ATP8A2: variants seen among roughly 807,000 people sequenced by gnomAD.
ATP8A2 encodes phospholipid-transporting ATPase IB.
A neutral mutation model predicts 165.6 loss-of-function variants in ATP8A2; 100 were observed. The observed-to-expected ratio is 0.60, with a 90% CI of 0.51 to 0.71. The LOEUF (loss-of-function observed/expected upper bound fraction) is 0.71, where lower values mean the gene tolerates loss of function less well. ATP8A2 is among the 30% of genes least tolerant of loss of function. The pLI, the probability that ATP8A2 is intolerant of heterozygous loss-of-function variation, is 0.00. For missense variants in ATP8A2, 1,227 were observed against 1,479.5 expected (o/e 0.83, Z 2.80); for synonymous variants, 543 against 548.8 (o/e 0.99, Z 0.15).
At chr13:25,553,639 G>T (rs552996946) in intron 11 of ATP8A2, among the ~76,000 whole-genome samples, 154 bp from the exon 12 acceptor site, 2 of 152,188 alleles carry the variant, frequency 1.3e-5, no homozygotes, top group East Asian at 3.9e-4. Context: ...CAGTCGCATT[G>T]TGGGGCCTGT....
chr13:25,770,786 C>T (rs531306340), intron 26 of ATP8A2, among the ~76,000 whole-genome samples: 5 of 152,270 alleles, frequency 3.3e-5, no homozygotes, highest in South Asian at 2.1e-4. Flanking sequence ...GCCTGCTCAT[C>T]GGCTGGGTAG....
intron 33 of ATP8A2, among the ~76,000 whole-genome samples, chr13:25,865,950 C>T (rs1952498791): frequency 6.6e-6 from 1 of 151,900 alleles, no homozygotes; most frequent in South Asian, 2.1e-4. Flanking sequence ...TTTTTCTTTT[C>T]CCCAGTAGAA....
At chr13:25,379,461 T>C (rs1413707730) in intron 1 of ATP8A2, among the ~76,000 whole-genome samples, 4 of 152,294 alleles carry the variant, frequency 2.6e-5, no homozygotes, top group Non-Finnish European at 1.5e-5. Context: ...GAGCAGTTCA[T>C]TCATATTCAA....
At chr13:25,634,478 G>A (rs560180092) in intron 24 of ATP8A2, among the ~76,000 whole-genome samples, 27 of 152,102 alleles carry the variant, frequency 1.8e-4, no homozygotes, top group Middle Eastern at 3.4e-3. Flanking sequence ...GTCAAAAATC[G>A]AACCCAAAAC....
chr13:25,834,231 G>A (rs542333356), intron 28 of ATP8A2, among the ~76,000 whole-genome samples: 2 of 152,290 alleles, frequency 1.3e-5, no homozygotes, highest in South Asian at 2.1e-4. Context: ...TAATTTTTAA[G>A]ACTGGAGAAC....
intron 30 of ATP8A2, among the ~76,000 whole-genome samples, chr13:25,850,123 C>A (rs1951968491): frequency 1.3e-5 from 2 of 152,144 alleles, no homozygotes; most frequent in South Asian, 4.1e-4. Flanking sequence ...TTGCAAAAGG[C>A]AAACTGATCT....
intron 24 of ATP8A2, among the ~76,000 whole-genome samples, chr13:25,618,506 A>T (rs745884401): frequency 6.6e-6 from 1 of 152,128 alleles, no homozygotes; most frequent in Non-Finnish European, 1.5e-5. Context: ...GATGTTGGCT[A>T]GCCTTGGGTT....
intron 14 of ATP8A2, 53 bp from the exon 15 acceptor site, chr13:25,559,668 T>C (rs1004346174): frequency 2.2e-6 from 3 of 1,355,864 alleles, no homozygotes; most frequent in Non-Finnish European, 3.2e-6. Flanking sequence ...GATCAGAATG[T>C]CTGTCTTTTG....
intron 33 of ATP8A2, among the ~76,000 whole-genome samples, chr13:25,908,163 C>T (rs182036294): frequency 2.4e-4 from 36 of 152,280 alleles, no homozygotes; most frequent in African/African-American, 7.2e-5. Flanking sequence ...AGTCATGTAA[C>T]GCCCCATGGT....
intron 2 of ATP8A2, among the ~76,000 whole-genome samples, chr13:25,481,851 T>G (rs1239100911): frequency 6.6e-6 from 1 of 152,158 alleles, no homozygotes; most frequent in Admixed American, 6.5e-5. Context: ...TCTCTGTCTC[T>G]AATAAGGGCA....
intron 16 of ATP8A2, 94 bp downstream of exon 16, chr13:25,564,125 G>A (rs1451622084): frequency 2.2e-6 from 2 of 896,856 alleles, no homozygotes; most frequent in Non-Finnish European, 3.7e-6. Flanking sequence ...TGCAGTTTTA[G>A]AGCATGGGAA....
At chr13:25,579,980 A>C in intron 22 of ATP8A2, 33 bp downstream of exon 22, 2 of 1,609,748 alleles carry the variant, frequency 1.2e-6, no homozygotes, top group Non-Finnish European at 8.5e-7. Context: ...TTTCAGCTCC[A>C]TGAAGGACTT....
intron 33 of ATP8A2, among the ~76,000 whole-genome samples, chr13:25,888,929 TTTTTC>T (rs1953259909): frequency 2.0e-5 from 3 of 152,128 alleles, no homozygotes; most frequent in Non-Finnish European, 4.4e-5. Context: ...TCACTAGTTT[TTTTTC>T]TTTTATGTAT....
At position 25,769,122 on chromosome 13, in the gene ATP8A2, GA is replaced by G; in HGVS notation, c.2462del (p.Asp821AlafsTer8). ...RVKAITLAIGDGANDVGMIQT... is the reference protein window; with the variant it reads ...RVKAITLAIGXGANDVGMIQT... Reference sequence around the variant, plus strand: ...GAAGGCCATCACCCTCGCCATCGGAGACGGCGCCAACGATGTCGGGATGATC... The same window carrying G: ...GAAGGCCATCACCCTCGCCATCGGAGCGGCGCCAACGATGTCGGGATGATC... On this transcript the variant is annotated frameshift_variant, in exon 26 of 37. Transcript: ENST00000381655. LOFTEE classifies it high-confidence loss of function. The G allele has an allele frequency of 6.2e-7, 1 of 1,614,214 alleles. No individual in the cohort carries two copies. Among genetic ancestry groups the G allele is most frequent in the Non-Finnish European group, 8.5e-7 (1 of 1,180,032 alleles).
rs138879583 is a variant in ATP8A2 at position 26,010,309 on chromosome 13, C to G, written c.3378-2222C>G. 8.8e-4 allele frequency among the ~76,000 whole-genome samples: 134 copies of G among 152,308 alleles called. 2 individuals are homozygous for G. The highest frequency in any genetic ancestry group is 3.1e-3 in the African/African-American group (130 of 41,572). ...TCTGTGACATTCTCATAAGCCCCAT[C>G]ATGAGGAGGAGCTTCTGGGATGGCC... On this transcript the variant is annotated intron_variant, in intron 35 of 36. Coordinates refer to ENST00000381655, the MANE Select transcript of ATP8A2 (RefSeq NM_016529.6).
intron 33 of ATP8A2, among the ~76,000 whole-genome samples, chr13:25,877,629 G>C (rs1378826973): frequency 6.6e-6 from 1 of 152,166 alleles, no homozygotes; most frequent in African/African-American, 2.4e-5. Context: ...AGTTACTTAA[G>C]GGTGTCTCCT....
intron 1 of ATP8A2, among the ~76,000 whole-genome samples, chr13:25,443,813 A>C (rs572332627): frequency 6.6e-6 from 1 of 152,354 alleles, no homozygotes; most frequent in African/African-American, 2.4e-5. Flanking sequence ...TGTGGCTCTC[A>C]TGCCTAGAAG....
chr13:25,827,519 T>C (rs943563531), intron 27 of ATP8A2, among the ~76,000 whole-genome samples: 13 of 152,256 alleles, frequency 8.5e-5, no homozygotes, highest in Non-Finnish European at 1.3e-4. Context: ...CATAGACTAC[T>C]TGAAGGCATG....
chr13:25,539,063 G>GTA (rs2038382149), intron 7 of ATP8A2, among the ~76,000 whole-genome samples: 1 of 91,192 alleles, frequency 1.1e-5, no homozygotes, highest in Non-Finnish European at 2.0e-5. Flanking sequence ...AAAATTTAGT[G>GTA]TGTGTGTGTG....
Sources: allele counts gnomAD v4.1 joint callset (sites outside exome capture counted in the v4.1 genomes callset), GRCh38; gene constraint gnomAD v4.1.1; transcripts MANE v1.5; gene names NCBI Gene and HGNC (gene_info 2026-07-23, HGNC 2026-07-21).